Variants in TDP2 observed in about 807,000 individuals in gnomAD.
TDP2 encodes the protein tyrosyl-DNA phosphodiesterase 2.
A neutral mutation model predicts 42.8 loss-of-function variants in TDP2; 38 were observed. That is an observed-to-expected ratio of 0.89 (90% CI 0.68 to 1.16). The LOEUF (loss-of-function observed/expected upper bound fraction) is 1.16. Among genes scored for constraint, TDP2 ranks in the 50% most tolerant of loss-of-function variants. The pLI, the probability that TDP2 is intolerant of heterozygous loss-of-function variation, is 0.00. For synonymous variants in TDP2, 173 were observed against 150.6 expected (o/e 1.15, Z -1.09); for missense variants, 439 against 439.3 (o/e 1.00, Z 0.01).
rs769599954 is a variant in TDP2, at chr6:24,657,814, G to A, written c.515C>T (p.Thr172Ile). 17 of 1,519,956 alleles carry A rather than the reference G, an allele frequency of 1.1e-5. No individual in the cohort carries two copies. In the Admixed American group the frequency reaches 2.5e-4, roughly 23 times the overall value. 94.2% of individuals were successfully genotyped at this position (1,519,956 alleles called of 1,614,324 possible). ...AGTTGAATAACAAAAATTGTTACCT[G>A]TAATAATCTCATAATTACTTGATCT... ...KKRSSNYEII[T>I]GHEEGYFTAI... Residue 172 changes from threonine to isoleucine, a missense_variant and splice_region_variant, in exon 4 of 7, where the codon ACA becomes ATA. Transcript: ENST00000378198.
chr6:24,650,739 G>C lies in TDP2; in HGVS notation c.*49C>G, dbSNP rs1014092336. ...AGCAAACCTACCTTTCCAGAAGGTG[G>C]AAATTGTATTTGCAACAATCAGGGC... On this transcript the variant is annotated 3_prime_UTR_variant, in exon 7 of 7. Coordinates refer to ENST00000378198, the MANE Select transcript of TDP2 (RefSeq NM_016614.3). 2 of 1,578,710 alleles carry C rather than the reference G, an allele frequency of 1.3e-6. No individual in the cohort carries two copies. The highest frequency in any genetic ancestry group is 1.7e-6 in the Non-Finnish European group (2 of 1,157,808).
intron 5 of TDP2, among the ~76,000 whole-genome samples, 192 bp downstream of exon 5, chr6:24,654,220 G>A (rs1331746757): frequency 6.6e-6 from 1 of 152,140 alleles, no homozygotes; most frequent in Non-Finnish European, 1.5e-5. Flanking sequence ...GAAAACAATA[G>A]ACTGAGAATT....
chr6:24,666,651 C>T (rs1476135593), intron 1 of TDP2, 40 bp from the exon 2 acceptor site: 13 of 1,614,008 alleles, frequency 8.1e-6, no homozygotes, highest in Non-Finnish European at 1.1e-5. Flanking sequence ...TTGTGCGCTC[C>T]ACCGACCTAG....
chr6:24,651,083 G>T lies in TDP2; in HGVS notation c.808-14C>A. ...ACATCTGGTAACCTGAAAAGAAGAAGAATACTCTCTAAGATACACATAGCC... is the reference window on the plus strand; with the variant it reads ...ACATCTGGTAACCTGAAAAGAAGAATAATACTCTCTAAGATACACATAGCC... On this transcript the variant is annotated splice_polypyrimidine_tract_variant and intron_variant, in intron 6 of 6. Transcript: ENST00000378198. 6.7e-7 allele frequency: 1 copy of T among 1,497,760 alleles called. No individual in the cohort carries two copies. Among genetic ancestry groups the T allele is most frequent in the South Asian group, 1.3e-5 (1 of 79,740 alleles). The allele number at this position is 1,497,760 out of a possible 1,614,324, so 92.8% of individuals were successfully genotyped here.
chr6:24,656,922 A>G (rs1778068966), intron 4 of TDP2, among the ~76,000 whole-genome samples: 1 of 152,222 alleles, frequency 6.6e-6, no homozygotes, highest in African/African-American at 2.4e-5. Context: ...AAATCCTAAA[A>G]GAATCCCCAA....
intron 2 of TDP2, 74 bp from the exon 3 acceptor site, chr6:24,658,808 C>A: frequency 6.8e-7 from 1 of 1,468,726 alleles, no homozygotes; most frequent in East Asian, 2.3e-5. Flanking sequence ...GTATTTGTAG[C>A]CCTCATTTTA....
intron 5 of TDP2, 59 bp downstream of exon 5, chr6:24,654,353 C>T (rs201471047): frequency 2.0e-4 from 184 of 917,114 alleles, no homozygotes; most frequent in Non-Finnish European, 2.1e-4. Context: ...AGAATAATAA[C>T]ACAAAACTAT....
rs753784871 is a variant in TDP2, at chr6:24,658,653, G to A, written c.333C>T (p.Gly111=). The change falls in exon 3 of 7, where the codon GGC becomes GGT. Residue 111 remains glycine, a synonymous_variant. Coordinates refer to ENST00000378198, the MANE Select transcript of TDP2 (RefSeq NM_016614.3). ...SPSEDTQQEN[G]SMFSLITWNI... ...TCCAGGTAATGAGAGAGAACATGCT[G>A]CCATTTTCTTGCTGAGTATCTTCAG... The A allele has an allele frequency of 1.2e-6, 2 of 1,613,814 alleles. No homozygotes were observed. Among genetic ancestry groups the A allele is most frequent in the Non-Finnish European group, 1.7e-6 (2 of 1,179,738 alleles).
At chr6:24,662,381 A>G (rs1167823927) in intron 2 of TDP2, among the ~76,000 whole-genome samples, 1 of 152,146 alleles carries the variant, frequency 6.6e-6, no homozygotes, top group East Asian at 1.9e-4. Flanking sequence ...TGGATGGGAG[A>G]AAACCGCCTT....
chr6:24,657,296 G>A (rs1257398273), intron 4 of TDP2, among the ~76,000 whole-genome samples: 16 of 152,136 alleles, frequency 1.1e-4, no homozygotes, highest in Admixed American at 1.0e-3. Flanking sequence ...TATCCATTGA[G>A]GAACCCTAGA....
chr6:24,654,372 C>A (rs886593384), intron 5 of TDP2, 40 bp downstream of exon 5: 2 of 1,073,172 alleles, frequency 1.9e-6, no homozygotes, highest in Non-Finnish European at 2.7e-6. Flanking sequence ...ATGAAAAAAT[C>A]TTTTTTTTAT....
Position 24,666,624 on chromosome 6 carries a change from G to A in TDP2, c.166-13C>T. On this transcript the variant is annotated splice_polypyrimidine_tract_variant and intron_variant, in intron 1 of 6. Transcript: ENST00000378198. ...AGTTCAGAGCCCTCTGAAAAACAAA[G>A]GCACAAGGGATGAGGTTTGTGCGCT... 1 of 1,614,208 alleles carries A rather than the reference G, an allele frequency of 6.2e-7. No individual in the cohort carries two copies. The highest frequency in any genetic ancestry group is 8.5e-7 in the Non-Finnish European group (1 of 1,180,024).
intron 6 of TDP2, among the ~76,000 whole-genome samples, chr6:24,651,747 C>T (rs558630922): frequency 7.2e-5 from 11 of 152,188 alleles, no homozygotes; most frequent in South Asian, 2.1e-4. Context: ...CCACAATGCC[C>T]GGCTAATTTC....
intron 2 of TDP2, among the ~76,000 whole-genome samples, chr6:24,662,707 TGTCTCTCCGTCTTATTTATTTTCTCA>T (rs1582425205): frequency 6.6e-6 from 1 of 152,198 alleles, no homozygotes; most frequent in African/African-American, 2.4e-5. Context: ...CTCTATACTT[TGTCTCTCCGTCTTATTTATTTTCTCA>T]GTCTCTCGTC....
At chr6:24,653,765 C>G (rs890440944) in intron 5 of TDP2, among the ~76,000 whole-genome samples, 4 of 152,204 alleles carry the variant, frequency 2.6e-5, no homozygotes, top group African/African-American at 9.7e-5. Flanking sequence ...ACATTTGCCT[C>G]TCCATGGCCC....
intron 3 of TDP2, 94 bp downstream of exon 3, chr6:24,658,467 G>GA: frequency 2.0e-6 from 2 of 979,978 alleles, no homozygotes; most frequent in Non-Finnish European, 2.9e-6. Flanking sequence ...GCTGGACATT[G>GA]AACTTAGGTT....
In TDP2 at chr6:24,650,509, C is replaced by G; in HGVS notation, c.*279G>C. 2.5e-6 allele frequency: 1 copy of G among 393,774 alleles called. No individual in the cohort carries two copies. Among genetic ancestry groups the G allele is most frequent in the Non-Finnish European group, 4.6e-6 (1 of 219,358 alleles). 24.4% of individuals were successfully genotyped at this position (393,774 alleles called of 1,614,324 possible). ...CATTAGCTCAGAGACAATGTGGTACCTGTTTGGAATCCAGCTGGCAGCTAT... is the reference window on the plus strand; with the variant it reads ...CATTAGCTCAGAGACAATGTGGTACGTGTTTGGAATCCAGCTGGCAGCTAT... On this transcript the variant is annotated 3_prime_UTR_variant, in exon 7 of 7. Coordinates refer to ENST00000378198, the MANE Select transcript of TDP2 (RefSeq NM_016614.3).
Sources: gnomAD v4.1 joint callset for allele counts (sites outside exome capture counted in the v4.1 genomes callset) on GRCh38, gnomAD v4.1.1 for gene constraint, MANE v1.5 for transcripts, NCBI Gene and HGNC (gene_info 2026-07-23, HGNC 2026-07-21) for gene names.